FAP: variants seen among roughly 807,000 people sequenced by gnomAD.
The protein encoded by FAP is fibroblast activation protein alpha.
FAP carries 110 observed loss-of-function variants against 126.5 expected under a neutral mutation model. The ratio of observed to expected loss-of-function variants is 0.87; its 90% CI spans 0.74 to 1.02. FAP has a LOEUF of 1.02. FAP is among the 50% of genes least tolerant of loss of function. FAP has a pLI of 0.00. For synonymous variants in FAP, 334 were observed against 297.3 expected (o/e 1.12, Z -1.27); for missense variants, 919 against 909.2 (o/e 1.01, Z -0.14).
At chr2:162,188,043 G>T (rs1687915089) in intron 20 of FAP, 126 bp downstream of exon 20, 2 of 724,998 alleles carry the variant, frequency 2.8e-6, no homozygotes, top group Non-Finnish European at 2.3e-6. Context: ...TAAGATTAGT[G>T]ATAGTTTTAG....
At chr2:162,201,419 C>T (rs1688494923) in intron 14 of FAP, among the ~76,000 whole-genome samples, 1 of 152,190 alleles carries the variant, frequency 6.6e-6, no homozygotes, top group African/African-American at 2.4e-5. Context: ...ATTTCCTAAA[C>T]TAACACCTTT....
At chr2:162,205,096 T>G (rs988848659) in intron 12 of FAP, among the ~76,000 whole-genome samples, 1 of 152,172 alleles carries the variant, frequency 6.6e-6, no homozygotes, top group African/African-American at 2.4e-5. Context: ...CTATAAAAGG[T>G]GGCTGCTCAC....
intron 16 of FAP, 46 bp from the exon 17 acceptor site, chr2:162,194,794 C>T (rs745494192): frequency 1.9e-6 from 3 of 1,569,682 alleles, no homozygotes; most frequent in South Asian, 2.2e-5. Flanking sequence ...GTTAAAATAA[C>T]AATTCCTTTT....
At chr2:162,179,727 G>T (rs1687616500) in intron 21 of FAP, among the ~76,000 whole-genome samples, 1 of 151,194 alleles carries the variant, frequency 6.6e-6, no homozygotes, top group Admixed American at 6.6e-5. Context: ...GCGAGAAATA[G>T]CATGTACAAA....
rs143580684 is a variant in FAP, at chr2:162,226,390, A to G, written c.190+133T>C. On this transcript the variant is annotated intron_variant, in intron 3 of 25. Transcript: ENST00000188790. ...CAAAAGCGCTTTTTTGAGCACTTGA[A>G]TCATTCAGATAATTGTTCTTTTTGT... 13 of 501,414 alleles carry G rather than the reference A, an allele frequency of 2.6e-5. No homozygotes were observed. In the East Asian group the frequency reaches 3.6e-4, roughly 14 times the overall value. The allele number at this position is 501,414 out of a possible 1,614,324, so 31.1% of individuals were successfully genotyped here.
chr2:162,183,516 A>G lies in FAP; in HGVS notation c.1815-48T>C, dbSNP rs770740456. The G allele has an allele frequency of 3.8e-6, 4 of 1,061,776 alleles. No individual in the cohort carries two copies. In the African/African-American group the frequency reaches 4.8e-5, roughly 13 times the overall value. The allele number at this position is 1,061,776 out of a possible 1,614,324, so 65.8% of individuals were successfully genotyped here. A position where few individuals can be genotyped will look rare whatever the true frequency, so the allele number is the denominator to read the frequency against. ...TTAGAATGTTAAGTGTATACACATGACATTTACTTCATTACACAACCATAT... is the reference window on the plus strand; with the variant it reads ...TTAGAATGTTAAGTGTATACACATGGCATTTACTTCATTACACAACCATAT... On this transcript the variant is annotated intron_variant, in intron 20 of 25. Transcript: ENST00000188790.
At chr2:162,206,976 C>A (rs1422672285) in intron 12 of FAP, among the ~76,000 whole-genome samples, 1 of 152,096 alleles carries the variant, frequency 6.6e-6, no homozygotes, top group Non-Finnish European at 1.5e-5. Flanking sequence ...ATATCTCTGA[C>A]AAACTCAAAA....
intron 9 of FAP, 120 bp downstream of exon 9, chr2:162,217,866 C>G: frequency 1.4e-6 from 1 of 689,706 alleles, no homozygotes; most frequent in Non-Finnish European, 2.4e-6. Context: ...CAATGTTTGC[C>G]TTACAATGCT....
At position 162,229,581 on chromosome 2, in the gene FAP, GAATA is replaced by G. The variant is rs571074830; in HGVS notation, c.92-2964_92-2961del. Reference sequence around the variant, plus strand: ...GCAATTTGTACTAATATTGTACAATGAATAAATAAAACATAAAAAACAACAGTTT... The same window carrying G: ...GCAATTTGTACTAATATTGTACAATGAATAAAACATAAAAAACAACAGTTT... On this transcript the variant is annotated intron_variant, in intron 2 of 25. Coordinates refer to ENST00000188790, the MANE Select transcript of FAP (RefSeq NM_004460.5). Among the ~76,000 whole-genome samples the G allele has an allele frequency of 8.5e-4, 129 of 152,138 alleles. 1 individual carries two copies. The highest frequency in any genetic ancestry group is 1.5e-3 in the Non-Finnish European group (104 of 67,964).
At chr2:162,175,027 T>C in intron 21 of FAP, 61 bp from the exon 22 acceptor site, 5 of 1,195,938 alleles carry the variant, frequency 4.2e-6, no homozygotes, top group Non-Finnish European at 6.2e-6. Flanking sequence ...CCTCCATATG[T>C]TTATAGCAAC....
chr2:162,183,319 C>T, intron 21 of FAP, 95 bp downstream of exon 21: 1 of 951,514 alleles, frequency 1.1e-6, no homozygotes, highest in South Asian at 1.4e-5. Context: ...TATGTTGCAA[C>T]ATTAACATTT....
At chr2:162,230,281 G>T (rs778441817) in intron 2 of FAP, among the ~76,000 whole-genome samples, 9 of 152,022 alleles carry the variant, frequency 5.9e-5, no homozygotes, top group Non-Finnish European at 1.3e-4. Flanking sequence ...AAAACATAAA[G>T]ATTACTTAGA....
chr2:162,215,618 G>A (rs1471106736), intron 10 of FAP, among the ~76,000 whole-genome samples: 1 of 152,188 alleles, frequency 6.6e-6, no homozygotes, highest in Non-Finnish European at 1.5e-5. Context: ...GCCAGGGTGA[G>A]GACGTACATG....
chr2:162,198,949 A>G lies in FAP; in HGVS notation c.1278-68T>C, dbSNP rs528728099. 3.0e-5 allele frequency: 41 copies of G among 1,374,772 alleles called. No homozygotes were observed. The Middle Eastern group carries it at 1.7e-3, about 56-fold the overall frequency. 85.2% of individuals were successfully genotyped at this position (1,374,772 alleles called of 1,614,324 possible). On this transcript the variant is annotated intron_variant, in intron 15 of 25. Transcript: ENST00000188790. The stretch of plus-strand genomic sequence containing the variant: ...TGTATTTATCAAAATGTACTACTCC[A>G]TGTAAAGTGACTAATTTACATATTG...
rs534581202 is a variant in FAP at position 162,240,165 on chromosome 2, G to A, written c.91+2743C>T. Among the ~76,000 whole-genome samples the A allele has an allele frequency of 1.8e-4, 28 of 152,274 alleles. No individual in the cohort carries two copies. The South Asian group carries it at 5.8e-3, about 32-fold the overall frequency. ...TGAAGGGGTGTAAGCTGAAGGCAAGGACAACCTGGGAGTAAGGGGTAGAAA... is the reference window on the plus strand; with the variant it reads ...TGAAGGGGTGTAAGCTGAAGGCAAGAACAACCTGGGAGTAAGGGGTAGAAA... On this transcript the variant is annotated intron_variant, in intron 2 of 25. Coordinates refer to ENST00000188790, the MANE Select transcript of FAP (RefSeq NM_004460.5).
At position 162,189,773 on chromosome 2, in the gene FAP, T is replaced by C; in HGVS notation, c.1451-19A>G. ...TTAATTTCTGAAAAATGTTAAATGT[T>C]CATTTTTAATCAATAGTATTTCCAT... On this transcript the variant is annotated intron_variant, in intron 17 of 25. Transcript: ENST00000188790. 1.5e-6 allele frequency: 2 copies of C among 1,342,648 alleles called. No homozygotes were observed. Among genetic ancestry groups the C allele is most frequent in the South Asian group, 1.3e-5 (1 of 78,556 alleles). The allele number at this position is 1,342,648 out of a possible 1,614,324, so 83.2% of individuals were successfully genotyped here. A position where few individuals can be genotyped will look rare whatever the true frequency, so the allele number is the denominator to read the frequency against.
At chr2:162,199,761 T>G (rs1452378897) in intron 15 of FAP, among the ~76,000 whole-genome samples, 3 of 152,224 alleles carry the variant, frequency 2.0e-5, no homozygotes, top group African/African-American at 7.2e-5. Flanking sequence ...CAGAGAGTGA[T>G]TCTTTTTAAC....
chr2:162,240,896 C>G (rs896967573), intron 2 of FAP, among the ~76,000 whole-genome samples: 3 of 152,104 alleles, frequency 2.0e-5, no homozygotes, highest in Non-Finnish European at 4.4e-5. Context: ...ACCTGGCACT[C>G]CAGACGGGAG....
chr2:162,199,857 T>A (rs983779570), intron 15 of FAP, among the ~76,000 whole-genome samples: 4 of 152,192 alleles, frequency 2.6e-5, no homozygotes, highest in Admixed American at 2.6e-4. Flanking sequence ...GGTTAGTATG[T>A]TAACATATGT....
Sources: allele counts gnomAD v4.1 joint callset (sites outside exome capture counted in the v4.1 genomes callset), GRCh38; gene constraint gnomAD v4.1.1; transcripts MANE v1.5; gene names NCBI Gene and HGNC (gene_info 2026-07-23, HGNC 2026-07-21).